Variants in F13A1 observed in about 807,000 individuals in gnomAD.
F13A1 encodes coagulation factor XIII A chain, also known as FSF, A subunit.
F13A1 carries 47 observed loss-of-function variants against 80.1 expected under a neutral mutation model. The ratio of observed to expected loss-of-function variants is 0.59; its 90% CI spans 0.46 to 0.75. F13A1 has a LOEUF of 0.75. Among genes scored for constraint, F13A1 ranks in the 30% least tolerant of loss-of-function variants. The pLI is 0.00. For synonymous variants in F13A1, 349 were observed against 344.9 expected (o/e 1.01, Z -0.13); for missense variants, 817 against 930.4 (o/e 0.88, Z 1.59).
intron 11 of F13A1, among the ~76,000 whole-genome samples, chr6:6,179,473 T>C (rs1254563102): frequency 1.3e-5 from 2 of 152,186 alleles, no homozygotes; most frequent in African/African-American, 4.8e-5. Flanking sequence ...AGAGAAATTA[T>C]AAGAGATTCA....
rs767678311 is a variant in F13A1, at chr6:6,197,216, G to A, written c.1216+7C>T. ...AGCAAGTTCCCAGAGGGAGGACACA[G>A]TTTTACCATCGCTATTTTCCTGGGG... On this transcript the variant is annotated splice_region_variant and intron_variant, in intron 9 of 14. Coordinates refer to ENST00000264870, the MANE Select transcript of F13A1 (RefSeq NM_000129.4). 3 of 1,613,470 alleles carry A rather than the reference G, an allele frequency of 1.9e-6. No individual in the cohort carries two copies. The highest frequency in any genetic ancestry group is 4.5e-5 in the East Asian group (2 of 44,880).
chr6:6,248,180 A>G, intron 6 of F13A1, 132 bp downstream of exon 6: 3 of 813,178 alleles, frequency 3.7e-6, no homozygotes, highest in South Asian at 2.9e-5. Flanking sequence ...ACTGGGTGTC[A>G]GAAGCTAGAA....
Position 6,174,743 on chromosome 6 carries a change from A to G in F13A1, c.1584T>C (p.Ala528=). Residue 528 remains alanine (A), a synonymous_variant, in exon 12 of 15, where the codon GCT becomes GCC. Transcript: ENST00000264870. ...AGAGCTTGAAGTCTTTTCCCAGCACAGCATTTTCCACTTCAAAGTCCATGT... is the reference window on the plus strand; with the variant it reads ...AGAGCTTGAAGTCTTTTCCCAGCACGGCATTTTCCACTTCAAAGTCCATGT... ...NVDMDFEVEN[A]VLGKDFKLSI... The G allele has an allele frequency of 6.2e-7, 1 of 1,614,218 alleles. No individual in the cohort carries two copies. The highest frequency in any genetic ancestry group is 8.5e-7 in the Non-Finnish European group (1 of 1,180,038).
chr6:6,251,067 G>T, intron 4 of F13A1, 138 bp from the exon 5 acceptor site: 1 of 760,038 alleles, frequency 1.3e-6, no homozygotes, highest in Non-Finnish European at 2.4e-6. Context: ...GTTTCACCAA[G>T]CATAGCTCAT....
At chr6:6,264,473 T>A (rs562099485) in intron 4 of F13A1, among the ~76,000 whole-genome samples, 1 of 152,342 alleles carries the variant, frequency 6.6e-6, no homozygotes, top group South Asian at 2.1e-4. Context: ...CTCTTCCATC[T>A]CATTCTCTTT....
rs1757203374 is a variant in F13A1, at chr6:6,222,120, G to A, written c.1025C>T (p.Ala342Val). The change falls in exon 8 of 15, where the codon GCC becomes GTC. Residue 342 changes from alanine (A) to valine (V), a missense_variant. Transcript: ENST00000264870. Reference sequence around the variant, plus strand: ...TTGCAAATTGGCATCATTATCATGGGCAGAGAAATAATTGGTAACAATTCT... The same window carrying A: ...TTGCAAATTGGCATCATTATCATGGACAGAGAAATAATTGGTAACAATTCT... The part of the protein sequence containing the change: ...PARIVTNYFS[A>V]HDNDANLQMD... The A allele has an allele frequency of 6.2e-7, 1 of 1,613,908 alleles. No homozygotes were observed. Among genetic ancestry groups the A allele is most frequent in the Admixed American group, 1.7e-5 (1 of 59,996 alleles).
At chr6:6,264,935 G>A (rs1403043944) in intron 4 of F13A1, among the ~76,000 whole-genome samples, 1 of 152,136 alleles carries the variant, frequency 6.6e-6, no homozygotes, top group Non-Finnish European at 1.5e-5. Flanking sequence ...GGAATAGCTT[G>A]GCGCCTTTTG....
At chr6:6,248,216 G>T in intron 6 of F13A1, 96 bp downstream of exon 6, 1 of 977,320 alleles carries the variant, frequency 1.0e-6, no homozygotes, top group Middle Eastern at 2.1e-4. Context: ...TTTATTAAGT[G>T]TAAGTCATCA....
rs1239097473 is a variant in F13A1, at chr6:6,174,765, A to G, written c.1562T>C (p.Met521Thr). Reference sequence around the variant, plus strand: ...CACAGCATTTTCCACTTCAAAGTCCATGTCAACGTTGGACCTTGATTTCAT... The same window carrying G: ...CACAGCATTTTCCACTTCAAAGTCCGTGTCAACGTTGGACCTTGATTTCAT... ...GVMKSRSNVD[M>T]DFEVENAVLG... is the part of the protein sequence containing the mutation. The change falls in exon 12 of 15, where the codon ATG (methionine) becomes ACG (threonine). Residue 521 changes from methionine (M) to threonine (T), a missense_variant. By Grantham distance (81) the Met-to-Thr change is moderately conservative. Coordinates refer to ENST00000264870, the MANE Select transcript of F13A1 (RefSeq NM_000129.4). The G allele has an allele frequency of 3.1e-6, 5 of 1,614,188 alleles. No homozygotes were observed. The highest frequency in any genetic ancestry group is 1.1e-5 in the South Asian group (1 of 91,082).
chr6:6,172,186 C>T lies in F13A1; in HGVS notation c.1747+2394G>A, dbSNP rs1012092400. ...GTGTGTGTGCTGTTTTTCCCCTTTGCAGATGAGGAGAGACAGCTCAGAGTG... is the reference window on the plus strand; with the variant it reads ...GTGTGTGTGCTGTTTTTCCCCTTTGTAGATGAGGAGAGACAGCTCAGAGTG... On this transcript the variant is annotated intron_variant, in intron 12 of 14. Coordinates refer to ENST00000264870, the MANE Select transcript of F13A1 (RefSeq NM_000129.4). 3.9e-5 allele frequency among the ~76,000 whole-genome samples: 6 copies of T among 152,204 alleles called. No individual in the cohort carries two copies. In the East Asian group the frequency reaches 7.7e-4, roughly 20 times the overall value.
intron 10 of F13A1, among the ~76,000 whole-genome samples, chr6:6,193,156 G>A (rs896000608): frequency 1.4e-4 from 21 of 152,284 alleles, no homozygotes; most frequent in African/African-American, 4.6e-4. Context: ...GAAATGTGGA[G>A]GGTGAACTTC....
chr6:6,318,983 C>A (rs1033642076), intron 1 of F13A1, among the ~76,000 whole-genome samples: 1 of 152,152 alleles, frequency 6.6e-6, no homozygotes, highest in Non-Finnish European at 1.5e-5. Flanking sequence ...GACCCAGATT[C>A]CCCCACCCTC....
rs764813277 is a variant in F13A1 at position 6,174,784 on chromosome 6, A to G, written c.1543T>C (p.Ser515Pro). Residue 515 changes from serine (S) to proline (P), a missense_variant, in exon 12 of 15, where the codon TCA (serine) becomes CCA (proline). By Grantham distance (74) the Ser-to-Pro change is moderately conservative (BLOSUM62 -1). Coordinates refer to ENST00000264870, the MANE Select transcript of F13A1 (RefSeq NM_000129.4). ...KPLNTEGVMK[S>P]RSNVDMDFEV... ...AAGTCCATGTCAACGTTGGACCTTG[A>G]TTTCATGACACCTTCTGTGTTGAGG... 3 of 1,614,176 alleles carry G rather than the reference A, an allele frequency of 1.9e-6. No individual in the cohort carries two copies. The South Asian group carries it at 3.3e-5, about 18-fold the overall frequency.
intron 3 of F13A1, among the ~76,000 whole-genome samples, chr6:6,281,798 C>A (rs1331283930): frequency 6.6e-6 from 1 of 151,786 alleles, no homozygotes; most frequent in Non-Finnish European, 1.5e-5. Flanking sequence ...TCGAGACCAT[C>A]CTGGCGAACT....
In F13A1 at chr6:6,245,772, C is replaced by T. The variant is rs184752195; in HGVS notation, c.798+2540G>A. Reference sequence around the variant, plus strand: ...GCTCATCCTCACTGTTTCCCAGCAGCAAGTGCCCTCAGGAAAGTTCTGCCT... The same window carrying T: ...GCTCATCCTCACTGTTTCCCAGCAGTAAGTGCCCTCAGGAAAGTTCTGCCT... On this transcript the variant is annotated intron_variant, in intron 6 of 14. Transcript: ENST00000264870. 6.1e-3 allele frequency among the ~76,000 whole-genome samples: 935 copies of T among 152,332 alleles called. 8 individuals carry two copies. The highest frequency in any genetic ancestry group is 0.022 in the African/African-American group (908 of 41,580).
chr6:6,318,767 CAGAT>C, intron 1 of F13A1, 85 bp from the exon 2 acceptor site: 1 of 1,429,622 alleles, frequency 7.0e-7, no homozygotes, highest in Non-Finnish European at 9.6e-7. Context: ...AATAGAGAAA[CAGAT>C]ATATCTGTGT....
chr6:6,257,563 C>T (rs910482886), intron 4 of F13A1, among the ~76,000 whole-genome samples: 2 of 152,108 alleles, frequency 1.3e-5, no homozygotes, highest in Admixed American at 6.6e-5. Context: ...CTGGTATCCT[C>T]GAAATAACAA....
At chr6:6,199,262 G>A (rs1761348725) in intron 8 of F13A1, among the ~76,000 whole-genome samples, 1 of 152,150 alleles carries the variant, frequency 6.6e-6, no homozygotes, top group Admixed American at 6.5e-5. Flanking sequence ...GGCCGAGGCG[G>A]GCAGATCACG....
intron 12 of F13A1, among the ~76,000 whole-genome samples, chr6:6,173,767 C>G (rs940309276): frequency 3.3e-5 from 5 of 152,128 alleles, no homozygotes; most frequent in African/African-American, 1.2e-4. Context: ...TCATTCTGGA[C>G]AGCCCCCAAA....
Sources: allele counts gnomAD v4.1 joint callset (sites outside exome capture counted in the v4.1 genomes callset), GRCh38; gene constraint gnomAD v4.1.1; transcripts MANE v1.5; gene names NCBI Gene and HGNC (gene_info 2026-07-23, HGNC 2026-07-21).